Variants in FBXO47 observed in about 807,000 individuals in gnomAD.
FBXO47 encodes F-box protein 47, also known as F-box only protein 47.
In FBXO47, 34 loss-of-function variants were observed where a neutral mutation model predicts 53.9. The observed-to-expected ratio is 0.63, with a 90% CI of 0.48 to 0.84. The LOEUF is 0.84. FBXO47 is among the 40% of genes least tolerant of loss of function. FBXO47 has a pLI of 0.00. For synonymous variants in FBXO47, 165 were observed against 181.6 expected, an observed-to-expected ratio of 0.91 and a Z score of 0.73; for missense variants, 485 against 541.3, an observed-to-expected ratio of 0.90 and a Z score of 1.03.
At chr17:38,957,713 T>G (rs1284347140) in intron 3 of FBXO47, among the ~76,000 whole-genome samples, 2 of 151,790 alleles carry the variant, frequency 1.3e-5, no homozygotes, top group African/African-American at 4.8e-5. Context: ...TTTTTTTTTT[T>G]TTTGAGACAA....
At chr17:38,957,362 C>CTATG in intron 3 of FBXO47, 109 bp from the exon 4 acceptor site, 1 of 682,078 alleles carries the variant, frequency 1.5e-6, no homozygotes, top group Non-Finnish European at 2.5e-6. Context: ...TCACAGTGGA[C>CTATG]TATGAGTTGA....
At chr17:38,955,251 G>A (rs1217230541) in intron 4 of FBXO47, among the ~76,000 whole-genome samples, 5 of 151,728 alleles carry the variant, frequency 3.3e-5, no homozygotes, top group Non-Finnish European at 7.4e-5. Context: ...AGCCGGGTGT[G>A]GTGGTGGGCA....
intron 3 of FBXO47, among the ~76,000 whole-genome samples, chr17:38,960,103 G>T (rs912567465): frequency 6.6e-6 from 1 of 151,802 alleles, no homozygotes; most frequent in East Asian, 1.9e-4. Flanking sequence ...CACTGCGCCC[G>T]GCCCAAAGCA....
rs896773350 is a variant in FBXO47, at chr17:38,942,840, C to A, written c.1021G>T (p.Ala341Ser). 4 of 1,613,808 alleles carry A rather than the reference C, an allele frequency of 2.5e-6. No homozygotes were observed. Among genetic ancestry groups the A allele is most frequent in the East Asian group, 4.5e-5 (2 of 44,876 alleles). ...GTGCGTCCATTCACAGCTTTACTAG[C>A]CATGAAACTGAAACAGATGTTGTTT... ...SGNNICFSFMASKAVNGRTIE... is the reference protein window; with the variant it reads ...SGNNICFSFMSSKAVNGRTIE... The change falls in exon 9 of 11, where the codon GCT (alanine) becomes TCT (serine). Residue 341 changes from alanine to serine, a missense_variant. Coordinates refer to ENST00000378079, the MANE Select transcript of FBXO47 (RefSeq NM_001008777.3).
intron 9 of FBXO47, among the ~76,000 whole-genome samples, chr17:38,941,934 A>G (rs1181978885): frequency 6.6e-6 from 1 of 151,756 alleles, no homozygotes; most frequent in Non-Finnish European, 1.5e-5. Flanking sequence ...CAGCCTCTCA[A>G]AGTGCTGGGT....
chr17:38,937,481 C>G (rs558030855), intron 10 of FBXO47, among the ~76,000 whole-genome samples, 191 bp from the exon 11 acceptor site: 210 of 152,052 alleles, frequency 1.4e-3, no homozygotes, highest in Middle Eastern at 6.8e-3. Flanking sequence ...CTCAGCCTCC[C>G]GAGTAGCTGG....
At chr17:38,965,709 T>TTAAAAAAAA (rs1442559658) in intron 1 of FBXO47, among the ~76,000 whole-genome samples, 1 of 61,626 alleles carries the variant, frequency 1.6e-5, no homozygotes, top group East Asian at 5.4e-4. Flanking sequence ...CCTTCTCTAC[T>TTAAAAAAAA]AAAAAAAAAA....
At chr17:38,943,233 G>T (rs1290345656) in intron 8 of FBXO47, among the ~76,000 whole-genome samples, 1 of 152,158 alleles carries the variant, frequency 6.6e-6, no homozygotes, top group Non-Finnish European at 1.5e-5. Context: ...AAAGGATTAT[G>T]CAGGAATAGG....
chr17:38,945,766 C>T (rs1700455722), intron 6 of FBXO47, among the ~76,000 whole-genome samples: 1 of 151,380 alleles, frequency 6.6e-6, no homozygotes, highest in Admixed American at 6.6e-5. Flanking sequence ...GAAACCCTGT[C>T]TCTACTAAAT....
intron 5 of FBXO47, among the ~76,000 whole-genome samples, chr17:38,952,162 TAA>T (rs2143937129): frequency 6.6e-6 from 1 of 151,840 alleles, no homozygotes; most frequent in Non-Finnish European, 1.5e-5. Flanking sequence ...CCATCCCTAC[TAA>T]AAATACAAAA....
At chr17:38,943,565 C>T (rs775619100) in intron 8 of FBXO47, 25 bp downstream of exon 8, 1 of 1,411,056 alleles carries the variant, frequency 7.1e-7, no homozygotes. Flanking sequence ...TTCTATTATT[C>T]TATGTTAGTA....
At chr17:38,966,649 T>C (rs1204485145) in intron 1 of FBXO47, among the ~76,000 whole-genome samples, 1 of 152,184 alleles carries the variant, frequency 6.6e-6, no homozygotes, top group East Asian at 1.9e-4. Context: ...CTTCACTGTG[T>C]CAACTGTGAA....
chr17:38,960,216 T>C (rs762675448), intron 3 of FBXO47, among the ~76,000 whole-genome samples: 3 of 151,826 alleles, frequency 2.0e-5, no homozygotes, highest in Admixed American at 6.6e-5. Flanking sequence ...GGAGGATCGA[T>C]TGTGCCCAGG....
rs537103430 is a variant in FBXO47, at chr17:38,947,422, G to A, written c.617-2286C>T. Among the ~76,000 whole-genome samples, 238 of 152,094 alleles carry A rather than the reference G, an allele frequency of 1.6e-3. 1 individual carries two copies. The highest frequency in any genetic ancestry group is 5.7e-3 in the African/African-American group (235 of 41,502). ...TAGCTCACTACAACCTTGAACTCCT[G>A]AGCTCAAGCAATCCTCCCACCTCAG... On this transcript the variant is annotated intron_variant, in intron 6 of 10. Coordinates refer to ENST00000378079, the MANE Select transcript of FBXO47 (RefSeq NM_001008777.3).
chr17:38,952,944 A>G (rs1421925875), intron 5 of FBXO47, among the ~76,000 whole-genome samples: 1 of 150,788 alleles, frequency 6.6e-6, no homozygotes, highest in African/African-American at 2.4e-5. Flanking sequence ...GTGAGCAACT[A>G]CGCCTGGCTA....
At chr17:38,946,518 A>G (rs1443825854) in intron 6 of FBXO47, among the ~76,000 whole-genome samples, 8 of 90,980 alleles carry the variant, frequency 8.8e-5, no homozygotes, top group Non-Finnish European at 3.7e-5. Context: ...ATATAAATAT[A>G]TATGAATATA....
At chr17:38,955,475 G>A (rs1905506330) in intron 4 of FBXO47, among the ~76,000 whole-genome samples, 1 of 148,624 alleles carries the variant, frequency 6.7e-6, no homozygotes, top group South Asian at 2.1e-4. Flanking sequence ...ATGGAGTCTT[G>A]CTCTGTCACC....
chr17:38,955,387 CAAAAA>C (rs756125580), intron 4 of FBXO47, among the ~76,000 whole-genome samples: 2 of 84,346 alleles, frequency 2.4e-5, no homozygotes, highest in Non-Finnish European at 5.1e-5. Flanking sequence ...GATTCCATCT[CAAAAA>C]AAAAAAAAAA....
At chr17:38,942,123 C>T (rs999681607) in intron 9 of FBXO47, among the ~76,000 whole-genome samples, 3 of 152,244 alleles carry the variant, frequency 2.0e-5, no homozygotes, top group African/African-American at 7.2e-5. Flanking sequence ...CCCAAGTCCT[C>T]TCCCCAACCC....
Sources: allele counts gnomAD v4.1 joint callset (sites outside exome capture counted in the v4.1 genomes callset), GRCh38; gene constraint gnomAD v4.1.1; transcripts MANE v1.5; gene names NCBI Gene and HGNC (gene_info 2026-07-23, HGNC 2026-07-21).